EXT1: variants seen among roughly 807,000 people sequenced by gnomAD.
EXT1 encodes exostosin-1.
EXT1 carries 20 observed loss-of-function variants against 82.5 expected under a neutral mutation model. The observed-to-expected ratio is 0.24, with a 90% confidence interval of 0.17 to 0.35. EXT1 has a LOEUF of 0.35. Ranked by LOEUF, EXT1 falls within the 10% of genes least tolerant of loss-of-function variation. The probability of loss-of-function intolerance (pLI) is 1.00; values close to 1 mark genes in which losing one functional copy is unlikely to be tolerated. For synonymous variants in EXT1, 348 were observed against 350.8 expected (o/e 0.99, Z 0.09); for missense variants, 757 against 936.5 (o/e 0.81, Z 2.50).
intron 1 of EXT1, among the ~76,000 whole-genome samples, chr8:118,102,942 G>T (rs920114469): frequency 6.6e-6 from 1 of 152,060 alleles, no homozygotes; most frequent in Non-Finnish European, 1.5e-5. Context: ...ATCACCGAAG[G>T]TCGGGAGTTC....
At chr8:117,959,542 T>C (rs1814656961) in intron 1 of EXT1, among the ~76,000 whole-genome samples, 1 of 152,032 alleles carries the variant, frequency 6.6e-6, no homozygotes, top group Non-Finnish European at 1.5e-5. Flanking sequence ...GATCACCTGC[T>C]TGAGGCAGAT....
intron 1 of EXT1, among the ~76,000 whole-genome samples, chr8:117,910,056 C>T (rs553113642): frequency 6.6e-6 from 1 of 152,222 alleles, no homozygotes; most frequent in Non-Finnish European, 1.5e-5. Context: ...GCATAAGCCA[C>T]CGCACCAGCA....
At chr8:118,012,613 G>A (rs1417738528) in intron 1 of EXT1, among the ~76,000 whole-genome samples, 1 of 152,176 alleles carries the variant, frequency 6.6e-6, no homozygotes, top group Non-Finnish European at 1.5e-5. Context: ...CCAGCTCTGC[G>A]TCTCACTGCT....
At chr8:117,983,148 G>T (rs540232336) in intron 1 of EXT1, among the ~76,000 whole-genome samples, 1 of 152,274 alleles carries the variant, frequency 6.6e-6, no homozygotes, top group South Asian at 2.1e-4. Flanking sequence ...GCCAGGGAAG[G>T]TTAGAAGAAG....
chr8:118,094,777 T>C (rs1586270391), intron 1 of EXT1, among the ~76,000 whole-genome samples: 1 of 152,208 alleles, frequency 6.6e-6, no homozygotes, highest in Admixed American at 6.5e-5. Context: ...AATCCTCAGC[T>C]GGAAGTCAAG....
intron 1 of EXT1, among the ~76,000 whole-genome samples, chr8:117,916,097 C>A (rs1813743982): frequency 6.6e-6 from 1 of 152,126 alleles, no homozygotes; most frequent in Non-Finnish European, 1.5e-5. Context: ...TCTGTTGGGA[C>A]TGAATGATAC....
chr8:118,109,307 G>A (rs551701410), intron 1 of EXT1, among the ~76,000 whole-genome samples: 1 of 151,372 alleles, frequency 6.6e-6, no homozygotes, highest in East Asian at 1.9e-4. Flanking sequence ...AAAAGGGAAC[G>A]GGAAATCTAA....
intron 1 of EXT1, among the ~76,000 whole-genome samples, chr8:117,895,755 C>T (rs1277096036): frequency 6.6e-6 from 1 of 152,164 alleles, no homozygotes; most frequent in South Asian, 2.1e-4. Context: ...TTCTTCCTTT[C>T]CTGCTGACCC....
intron 1 of EXT1, among the ~76,000 whole-genome samples, chr8:118,005,220 ATATCCCAGACTTGCTTG>A (rs1815748983): frequency 6.6e-6 from 1 of 152,160 alleles, no homozygotes. Context: ...TGACTGACAG[ATATCCCAGACTTGCTTG>A]CAGCTAGGCA....
At chr8:117,800,056 C>A (rs1041462333) in intron 10 of EXT1, among the ~76,000 whole-genome samples, 159 bp from the exon 11 acceptor site, 1 of 152,158 alleles carries the variant, frequency 6.6e-6, no homozygotes, top group Non-Finnish European at 1.5e-5. Flanking sequence ...AAAATGCAAT[C>A]GCTGATATTG....
intron 1 of EXT1, among the ~76,000 whole-genome samples, chr8:118,056,760 C>T (rs1367405446): frequency 6.6e-6 from 1 of 152,176 alleles, no homozygotes; most frequent in Admixed American, 6.5e-5. Context: ...CAGAAGAACG[C>T]TTTGACAAGG....
At chr8:117,978,303 T>G (rs1435633199) in intron 1 of EXT1, among the ~76,000 whole-genome samples, 1 of 152,224 alleles carries the variant, frequency 6.6e-6, no homozygotes, top group Non-Finnish European at 1.5e-5. Flanking sequence ...TAAAACCACA[T>G]TGTTACGCTC....
intron 1 of EXT1, among the ~76,000 whole-genome samples, chr8:117,882,666 G>A (rs1041145666): frequency 1.3e-4 from 20 of 151,876 alleles, no homozygotes; most frequent in Middle Eastern, 6.8e-3. Flanking sequence ...CTTTTTTTTG[G>A]TATTCTGGGT....
intron 1 of EXT1, among the ~76,000 whole-genome samples, chr8:117,914,018 G>A (rs1269487286): frequency 6.6e-6 from 1 of 152,208 alleles, no homozygotes; most frequent in Non-Finnish European, 1.5e-5. Flanking sequence ...GGACCCAGAA[G>A]AGTCAGCATA....
chr8:117,965,989 C>CAT (rs973888074), intron 1 of EXT1, among the ~76,000 whole-genome samples: 4 of 127,070 alleles, frequency 3.1e-5, no homozygotes, highest in Non-Finnish European at 6.2e-5. Context: ...CACATACATG[C>CAT]ATATACACAC....
chr8:117,820,919 A>C (rs1345925920), intron 5 of EXT1, among the ~76,000 whole-genome samples: 1 of 152,198 alleles, frequency 6.6e-6, no homozygotes, highest in East Asian at 1.9e-4. Context: ...TGAGCTCTGA[A>C]GCCCTAGGTT....
intron 1 of EXT1, among the ~76,000 whole-genome samples, chr8:117,962,492 C>T (rs905783084): frequency 8.6e-5 from 13 of 152,022 alleles, no homozygotes; most frequent in African/African-American, 3.1e-4. Flanking sequence ...GTGGCTCATA[C>T]CTGTAATCCC....
intron 1 of EXT1, among the ~76,000 whole-genome samples, chr8:117,940,374 G>A (rs900341417): frequency 6.6e-6 from 1 of 152,206 alleles, no homozygotes; most frequent in Non-Finnish European, 1.5e-5. Context: ...GGTGGAAAGA[G>A]TGGCAAGCTG....
intron 1 of EXT1, among the ~76,000 whole-genome samples, chr8:118,076,953 C>T (rs1055146077): frequency 6.6e-6 from 1 of 151,492 alleles, no homozygotes; most frequent in Admixed American, 6.6e-5. Context: ...CAATTTAAAA[C>T]TAGAGGGAAA....
Sources: allele counts gnomAD v4.1 joint callset (sites outside exome capture counted in the v4.1 genomes callset), GRCh38; gene constraint gnomAD v4.1.1; transcripts MANE v1.5; gene names NCBI Gene and HGNC (gene_info 2026-07-23, HGNC 2026-07-21).